The following ABCD3 variants were observed in gnomAD, a reference collection of about 807,000 sequenced individuals.
ABCD3 encodes ATP binding cassette subfamily D member 3.
ABCD3 carries 41 observed loss-of-function variants against 105.5 expected under a neutral mutation model. The observed-to-expected ratio is 0.39, with a 90% CI of 0.30 to 0.50. The LOEUF (loss-of-function observed/expected upper bound fraction) is 0.50, where lower values mean the gene tolerates loss of function less well. Among genes scored for constraint, ABCD3 ranks in the 20% least tolerant of loss-of-function variants. The pLI, the probability that ABCD3 is intolerant of heterozygous loss-of-function variation, is 0.84. For missense variants in ABCD3, 622 were observed against 806.3 expected (o/e 0.77, Z 2.77); for synonymous variants, 258 against 269.0 (o/e 0.96, Z 0.40).
chr1:94,408,402 G>A, the ABCD3 span, among the ~76,000 whole-genome samples: 1 of 150,708 alleles, frequency 6.6e-6, no homozygotes, highest in African/African-American at 2.4e-5. Context: ...GGCCAACATG[G>A]TGAAACCCCA....
At chr1:94,480,221 G>A in intron 8 of ABCD3, 1 of 540,326 alleles carries the variant, frequency 1.9e-6, no homozygotes, top group Non-Finnish European at 3.3e-6. Context: ...GAGTTTTTAG[G>A]TGAGCAAAAT....
chr1:94,443,544 G>T (rs1413170955), intron 1 of ABCD3, among the ~76,000 whole-genome samples: 1 of 152,190 alleles, frequency 6.6e-6, no homozygotes, highest in East Asian at 1.9e-4. Context: ...CCAATGGCTA[G>T]AAGAGCTTTT....
intron 1 of ABCD3, among the ~76,000 whole-genome samples, chr1:94,420,389 T>G (rs1317109658): frequency 1.3e-5 from 2 of 152,232 alleles, no homozygotes; most frequent in Non-Finnish European, 2.9e-5. Context: ...TAATAGAATT[T>G]GTCTTATTAA....
intron 16 of ABCD3, among the ~76,000 whole-genome samples, chr1:94,495,887 T>C (rs1208525279): frequency 5.3e-5 from 8 of 152,206 alleles, no homozygotes; most frequent in Non-Finnish European, 7.3e-5. Flanking sequence ...CCTTGCTTTA[T>C]GAGGAACATT....
chr1:94,462,976 G>T (rs17111563), intron 2 of ABCD3, among the ~76,000 whole-genome samples: 5 of 152,320 alleles, frequency 3.3e-5, no homozygotes, highest in African/African-American at 1.2e-4. Flanking sequence ...GGTTGAATGT[G>T]TAAGGTTTAG....
At chr1:94,411,073 A>G in the ABCD3 span, among the ~76,000 whole-genome samples, 4 of 152,198 alleles carry the variant, frequency 2.6e-5, no homozygotes, top group African/African-American at 4.8e-5. Context: ...GGATTTGGCA[A>G]TAGATTCCCA....
At chr1:94,453,881 A>G (rs947509680) in intron 1 of ABCD3, among the ~76,000 whole-genome samples, 6 of 142,382 alleles carry the variant, frequency 4.2e-5, no homozygotes, top group Non-Finnish European at 7.8e-5. Context: ...GTGGTTTTAA[A>G]TTTCTTCTGC....
chr1:94,387,591 G>T, the ABCD3 span, among the ~76,000 whole-genome samples: 2 of 152,020 alleles, frequency 1.3e-5, no homozygotes, highest in African/African-American at 2.4e-5. Context: ...GTTTACCTTA[G>T]CAAAACCAAA....
chr1:94,472,207 A>G (rs1392483165), intron 4 of ABCD3: 1 of 981,430 alleles, frequency 1.0e-6, no homozygotes. Context: ...TTTATTCAAG[A>G]AACCATTTTT....
At chr1:94,507,129 A>C (rs1301892290) in intron 21 of ABCD3, among the ~76,000 whole-genome samples, 1 of 151,842 alleles carries the variant, frequency 6.6e-6, no homozygotes, top group Non-Finnish European at 1.5e-5. Flanking sequence ...TCCCAATGCT[A>C]TCCCTCCCCC....
At chr1:94,432,923 C>T (rs981914885) in intron 1 of ABCD3, among the ~76,000 whole-genome samples, 3 of 151,132 alleles carry the variant, frequency 2.0e-5, no homozygotes, top group Non-Finnish European at 4.4e-5. Flanking sequence ...GGCACTATCT[C>T]GGCTCACTGC....
At chr1:94,437,780 A>G (rs559473904) in intron 1 of ABCD3, among the ~76,000 whole-genome samples, 10 of 152,376 alleles carry the variant, frequency 6.6e-5, no homozygotes, top group Admixed American at 2.0e-4. Flanking sequence ...GAAAGGATTC[A>G]GTACTCTAGG....
At chr1:94,438,289 CACACACACACAT>C (rs1417994446) in intron 1 of ABCD3, among the ~76,000 whole-genome samples, 30 of 132,452 alleles carry the variant, frequency 2.3e-4, no homozygotes, top group African/African-American at 9.1e-4. Context: ...CCATCACACA[CACACACACACAT>C]ACACACACAC....
At chr1:94,414,293 C>T (rs564319854), upstream of ABCD3, among the ~76,000 whole-genome samples, 18 of 152,160 alleles carry the variant, frequency 1.2e-4, no homozygotes, top group Admixed American at 7.2e-4. Flanking sequence ...AATAGTATCA[C>T]CCTCTTAGAC....
chr1:94,500,307 G>C (rs749067001), intron 20 of ABCD3, among the ~76,000 whole-genome samples: 10 of 152,046 alleles, frequency 6.6e-5, no homozygotes, highest in Non-Finnish European at 1.5e-4. Flanking sequence ...TTATCTGGGC[G>C]TAGTGGCACA....
chr1:94,432,155 G>A (rs1659707591), intron 1 of ABCD3, among the ~76,000 whole-genome samples: 1 of 152,200 alleles, frequency 6.6e-6, no homozygotes, highest in African/African-American at 2.4e-5. Flanking sequence ...AGCGCTATAT[G>A]TCAATAGGCT....
At chr1:94,499,781 T>G (rs1433564505) in intron 20 of ABCD3, among the ~76,000 whole-genome samples, 167 bp downstream of exon 20, 2 of 152,164 alleles carry the variant, frequency 1.3e-5, no homozygotes, top group Non-Finnish European at 2.9e-5. Context: ...GCATGTAAAT[T>G]TGGAATTCTG....
At chr1:94,422,630 T>A (rs1377228359) in intron 1 of ABCD3, among the ~76,000 whole-genome samples, 2 of 152,230 alleles carry the variant, frequency 1.3e-5, no homozygotes, top group African/African-American at 4.8e-5. Flanking sequence ...AATTCCCTAG[T>A]TCGGCTCTGT....
chr1:94,428,069 G>GTTTTTTTTTTTTTTTTTTTTTTTTTTTTT (rs199615252), intron 1 of ABCD3, among the ~76,000 whole-genome samples: 2 of 145,574 alleles, frequency 1.4e-5, no homozygotes. Flanking sequence ...GCTAAAAGGT[G>GTTTTTTTTTTTTTTTTTTTTTTTTTTTTT]TTTTGTTTTT....
Sources: allele counts gnomAD v4.1 joint callset (sites outside exome capture counted in the v4.1 genomes callset), GRCh38; gene constraint gnomAD v4.1.1; transcripts MANE v1.5; gene names NCBI Gene and HGNC (gene_info 2026-07-23, HGNC 2026-07-21).